ACACA: variants seen among roughly 807,000 people sequenced by gnomAD.
The protein encoded by ACACA is acetyl-CoA carboxylase alpha.
ACACA carries 103 observed loss-of-function variants against 296.1 expected under a neutral mutation model. The observed-to-expected ratio is 0.35, with a 90% CI of 0.30 to 0.41. The LOEUF is 0.41. ACACA is among the 10% of genes least tolerant of loss of function. The pLI is 1.00. For synonymous variants in ACACA, 953 were observed against 1,038.6 expected, an observed-to-expected ratio of 0.92 and a Z score of 1.58; for missense variants, 1,554 against 2,989.7, an observed-to-expected ratio of 0.52 and a Z score of 11.20.
chr17:37,174,574 C>A (rs891206846), intron 41 of ACACA, among the ~76,000 whole-genome samples: 2 of 151,860 alleles, frequency 1.3e-5, no homozygotes, highest in Non-Finnish European at 2.9e-5. Context: ...CACTCTGTAA[C>A]CAGGCTTGAG....
At position 37,085,315 on chromosome 17, in the gene ACACA, T is replaced by C. The variant is rs192491438; in HGVS notation, c.*2001A>G. 3.3e-4 allele frequency: 94 copies of C among 284,920 alleles called. No homozygotes were observed. In the East Asian group the frequency reaches 5.5e-3, roughly 17 times the overall value. The allele number at this position is 284,920 out of a possible 1,614,324, so 17.6% of individuals were successfully genotyped here. ...GCTCTGGGGATGGGGGAGGAGGCAT[T>C]ACAGGGTTCTAGAGAGGAAACATAC... is the stretch of plus-strand genomic sequence containing the variant. On this transcript the variant is annotated 3_prime_UTR_variant, in exon 56 of 56. Transcript: ENST00000616317.
chr17:37,248,730 T>C, intron 16 of ACACA, 56 bp from the exon 17 acceptor site: 1 of 1,238,126 alleles, frequency 8.1e-7, no homozygotes, highest in Non-Finnish European at 1.2e-6. Flanking sequence ...TATAAGAGAA[T>C]CTAAAACATT....
At chr17:37,162,099 A>G (rs2076483155) in intron 41 of ACACA, 49 bp from the exon 42 acceptor site, 1 of 1,606,600 alleles carries the variant, frequency 6.2e-7, no homozygotes, top group African/African-American at 1.3e-5. Context: ...TACAGGCAGA[A>G]TTTTTTTCAG....
intron 11 of ACACA, among the ~76,000 whole-genome samples, chr17:37,261,865 T>G (rs2081528498): frequency 6.6e-6 from 1 of 152,230 alleles, no homozygotes; most frequent in African/African-American, 2.4e-5. Flanking sequence ...CTGTTCCTAT[T>G]CCATCATTGT....
At chr17:37,196,355 C>A (rs2077997044) in intron 35 of ACACA, among the ~76,000 whole-genome samples, 1 of 151,712 alleles carries the variant, frequency 6.6e-6, no homozygotes, top group Admixed American at 6.6e-5. Context: ...CCTTCAAGGT[C>A]CAAATAATCC....
chr17:37,320,743 T>A (rs1190704233), intron 3 of ACACA, among the ~76,000 whole-genome samples: 4 of 151,794 alleles, frequency 2.6e-5, no homozygotes, highest in African/African-American at 9.7e-5. Flanking sequence ...GGTCAGGGGT[T>A]CGAGACCAGC....
chr17:37,319,355 T>C (rs1423152999), intron 3 of ACACA, among the ~76,000 whole-genome samples: 1 of 152,134 alleles, frequency 6.6e-6, no homozygotes, highest in Non-Finnish European at 1.5e-5. Context: ...AAACAGTGTG[T>C]ACAGTATGAC....
At chr17:37,310,920 A>ACTG (rs1193499192) in intron 3 of ACACA, among the ~76,000 whole-genome samples, 2 of 152,078 alleles carry the variant, frequency 1.3e-5, no homozygotes, top group African/African-American at 2.4e-5. Flanking sequence ...TGCAAGGGAG[A>ACTG]CTGGAGATTG....
intron 10 of ACACA, among the ~76,000 whole-genome samples, chr17:37,268,744 T>TAG (rs2081926989): frequency 1.9e-4 from 15 of 79,202 alleles, no homozygotes; most frequent in Non-Finnish European, 2.7e-4. Context: ...TATCTATCTA[T>TAG]ATATATATAT....
chr17:37,253,094 T>C (rs1441271476), intron 14 of ACACA, 58 bp from the exon 15 acceptor site: 6 of 1,612,964 alleles, frequency 3.7e-6, no homozygotes, highest in South Asian at 1.1e-5. Flanking sequence ...TTTTCAATAA[T>C]TTTAAAGATC....
At chr17:37,260,308 T>A (rs1259003764) in intron 11 of ACACA, among the ~76,000 whole-genome samples, 72 of 107,550 alleles carry the variant, frequency 6.7e-4, no homozygotes, top group African/African-American at 2.9e-3. Context: ...TTTTTTTTTT[T>A]TTTTTTTTGG....
At chr17:37,122,768 G>A (rs1431124451) in intron 48 of ACACA, 141 bp from the exon 49 acceptor site, 6 of 751,936 alleles carry the variant, frequency 8.0e-6, no homozygotes, top group Non-Finnish European at 1.4e-5. Context: ...TCTTCTATGA[G>A]TTAAATGTGA....
intron 3 of ACACA, among the ~76,000 whole-genome samples, chr17:37,302,633 A>G (rs1382248887): frequency 6.6e-6 from 1 of 152,182 alleles, no homozygotes; most frequent in Non-Finnish European, 1.5e-5. Flanking sequence ...CACAAGTTTT[A>G]GTGTATAAGT....
rs2073053525 is a variant in ACACA, at chr17:37,097,317, C to T, written c.6721-151G>A. 7 of 894,068 alleles carry T rather than the reference C, an allele frequency of 7.8e-6. No individual in the cohort carries two copies. Among genetic ancestry groups the T allele is most frequent in the Admixed American group, 2.0e-5 (1 of 49,824 alleles). The allele number at this position is 894,068 out of a possible 1,614,324, so 55.4% of individuals were successfully genotyped here. On this transcript the variant is annotated intron_variant, in intron 53 of 55. Coordinates refer to ENST00000616317, the MANE Select transcript of ACACA (RefSeq NM_198834.3). The surrounding 1 kb of genome is among the most constrained non-coding windows in gnomAD (Gnocchi z 4.8). ...GTAAACTCCTAGCACTTCCAGATGT[C>T]CCCCAGGGCAGAAATGCAGCCCACA...
chr17:37,339,909 T>C (rs999197760), intron 1 of ACACA, 59 bp from the exon 2 acceptor site: 1 of 887,376 alleles, frequency 1.1e-6, no homozygotes, highest in Non-Finnish European at 1.8e-6. Context: ...CTTTTGTCAA[T>C]TCCTGTTTTG....
intron 41 of ACACA, among the ~76,000 whole-genome samples, chr17:37,173,050 G>C (rs1439875790): frequency 6.6e-6 from 1 of 152,096 alleles, no homozygotes; most frequent in Admixed American, 6.5e-5. Flanking sequence ...CAAAAGCAAG[G>C]TAAAGTACAT....
chr17:37,178,156 T>A (rs1370053643), intron 41 of ACACA, among the ~76,000 whole-genome samples: 1 of 152,222 alleles, frequency 6.6e-6, no homozygotes, highest in Non-Finnish European at 1.5e-5. Flanking sequence ...ATCATTGTTA[T>A]AACTGTACAT....
At chr17:37,276,098 T>C (rs2082274488) in intron 7 of ACACA, 49 bp from the exon 8 acceptor site, 2 of 1,403,540 alleles carry the variant, frequency 1.4e-6, no homozygotes, top group South Asian at 1.2e-5. Context: ...CTTGGCCTCA[T>C]TTCTGGCACA....
chr17:37,097,274 C>T lies in ACACA; in HGVS notation c.6721-108G>A, dbSNP rs1296545105. 3.0e-6 allele frequency: 4 copies of T among 1,313,328 alleles called. No homozygotes were observed. Among genetic ancestry groups the T allele is most frequent in the Non-Finnish European group, 4.2e-6 (4 of 941,838 alleles). 81.4% of individuals were successfully genotyped at this position (1,313,328 alleles called of 1,614,324 possible). ...ACTGATTCTCCAGGCAAGCCCTTCA[C>T]AGACCCAAGAGCTGGCTGTAAACTC... is the stretch of plus-strand genomic sequence containing the variant. On this transcript the variant is annotated intron_variant, in intron 53 of 55. Transcript: ENST00000616317. This position sits in a 1 kb window ranked among gnomAD's most constrained non-coding sequence, Gnocchi z 4.8.
Sources: gnomAD v4.1 joint callset for allele counts (sites outside exome capture counted in the v4.1 genomes callset) on GRCh38, gnomAD v4.1.1 for gene constraint, Gnocchi (gnomAD v3.1) non-coding constraint, MANE v1.5 for transcripts, NCBI Gene and HGNC (gene_info 2026-07-23, HGNC 2026-07-21) for gene names.